CPED1: variants seen among roughly 807,000 people sequenced by gnomAD.
CPED1 encodes cadherin like and PC-esterase domain containing 1.
CPED1 carries 114 observed loss-of-function variants against 128.2 expected under a neutral mutation model. That is an observed-to-expected ratio of 0.89 (90% CI 0.76 to 1.04). The LOEUF is 1.04. Among genes scored for constraint, CPED1 ranks in the 50% least tolerant of loss-of-function variants. The probability of loss-of-function intolerance (pLI) is 0.00; values close to 1 mark genes in which losing one functional copy is unlikely to be tolerated. For synonymous variants in CPED1, 462 were observed against 426.7 expected (o/e 1.08, Z -1.02); for missense variants, 1,211 against 1,207.1 (o/e 1.00, Z -0.05).
intron 3 of CPED1, among the ~76,000 whole-genome samples, chr7:121,017,222 A>G (rs1430240788): frequency 6.6e-6 from 1 of 152,176 alleles, no homozygotes; most frequent in Non-Finnish European, 1.5e-5. Context: ...ACTGCCTTCT[A>G]GGAGTAGTGT....
chr7:121,075,119 C>A (rs1389086606), intron 5 of CPED1, among the ~76,000 whole-genome samples: 1 of 152,080 alleles, frequency 6.6e-6, no homozygotes. Context: ...TTGTATGAGT[C>A]CTACGGTGTT....
chr7:120,989,256 C>T (rs1585001770), intron 1 of CPED1, 135 bp from the exon 2 acceptor site: 2 of 214,608 alleles, frequency 9.3e-6, no homozygotes, highest in East Asian at 2.6e-4. Flanking sequence ...AAAGCTGAGG[C>T]AGAGTCGGAC....
intron 3 of CPED1, among the ~76,000 whole-genome samples, chr7:121,020,954 C>T (rs1792424619): frequency 6.6e-6 from 1 of 151,884 alleles, no homozygotes; most frequent in African/African-American, 2.4e-5. Context: ...TATCTTGGTT[C>T]ATATAGCAAC....
At chr7:121,168,844 TC>T in intron 16 of CPED1, among the ~76,000 whole-genome samples, 1 of 152,312 alleles carries the variant, frequency 6.6e-6, no homozygotes, top group African/African-American at 2.4e-5. Flanking sequence ...ATGTTTGTCT[TC>T]CTGTAAAATT....
intron 7 of CPED1, among the ~76,000 whole-genome samples, chr7:121,117,444 T>C (rs1795280702): frequency 6.6e-6 from 1 of 152,148 alleles, no homozygotes; most frequent in South Asian, 2.1e-4. Flanking sequence ...TAAAAAATTA[T>C]ATCACTACTT....
chr7:121,047,256 G>C (rs1253955288), intron 4 of CPED1, among the ~76,000 whole-genome samples: 1 of 152,178 alleles, frequency 6.6e-6, no homozygotes, highest in African/African-American at 2.4e-5. Context: ...TGCAGCCTAT[G>C]AAGTGTTGCT....
intron 18 of CPED1, among the ~76,000 whole-genome samples, chr7:121,255,664 A>G (rs1330957553): frequency 2.0e-5 from 3 of 152,062 alleles, no homozygotes. Context: ...AGAAAACCCT[A>G]GAGAATGCCA....
At chr7:121,135,290 ATT>A (rs1024670446) in intron 13 of CPED1, among the ~76,000 whole-genome samples, 1 of 151,352 alleles carries the variant, frequency 6.6e-6, no homozygotes, top group Non-Finnish European at 1.5e-5. Flanking sequence ...TGTCAATAAT[ATT>A]TTTTTTTAGT....
intron 17 of CPED1, 102 bp downstream of exon 17, chr7:121,236,933 T>G (rs1798273177): frequency 1.9e-6 from 1 of 531,282 alleles, no homozygotes; most frequent in East Asian, 3.1e-5. Context: ...ACAAGGGCAT[T>G]ACTTTTTATT....
chr7:121,117,100 A>AT (rs1450957943), intron 7 of CPED1, among the ~76,000 whole-genome samples: 3 of 70,650 alleles, frequency 4.2e-5, no homozygotes, highest in East Asian at 8.8e-4. Flanking sequence ...TATATATATA[A>AT]ATATATATAT....
chr7:121,018,350 T>A (rs1458339201), intron 3 of CPED1, among the ~76,000 whole-genome samples: 5 of 152,174 alleles, frequency 3.3e-5, no homozygotes, highest in Non-Finnish European at 7.4e-5. Context: ...ATTCATCTCA[T>A]GGTTATTTTT....
At position 121,124,347 on chromosome 7, in the gene CPED1, A is replaced by G; in HGVS notation, c.935A>G (p.Glu312Gly). 1 of 1,605,798 alleles carries G rather than the reference A, an allele frequency of 6.2e-7. No homozygotes were observed. Among genetic ancestry groups the G allele is most frequent in the Non-Finnish European group, 8.5e-7 (1 of 1,176,660 alleles). The change falls in exon 8 of 23, where the codon GAG (glutamate) becomes GGG (glycine). Residue 312 changes from glutamate to glycine, a missense_variant. Glu to Gly is a moderately conservative substitution (Grantham distance 98). Coordinates refer to ENST00000310396, the MANE Select transcript of CPED1 (RefSeq NM_024913.5). ...RFTVKLQTFF[E>G]TFLRASSPQQ... ...TGTTCACAGCTGCAAACATTTTTTG[A>G]GACATTCCTGAGAGCCAGTTCACCT...
At chr7:121,271,571 C>T in intron 22 of CPED1, 141 bp downstream of exon 22, 1 of 827,320 alleles carries the variant, frequency 1.2e-6, no homozygotes, top group Non-Finnish European at 1.9e-6. Flanking sequence ...TGTTCATCAT[C>T]ATTCAGCCAA....
chr7:121,253,905 C>T (rs1266372892), intron 18 of CPED1, among the ~76,000 whole-genome samples: 4 of 151,966 alleles, frequency 2.6e-5, no homozygotes, highest in Non-Finnish European at 5.9e-5. Context: ...TATTGAAGCA[C>T]CTAGATTCAT....
chr7:121,103,369 C>T (rs1794898514), intron 7 of CPED1, among the ~76,000 whole-genome samples: 1 of 152,120 alleles, frequency 6.6e-6, no homozygotes, highest in Non-Finnish European at 1.5e-5. Flanking sequence ...GTGATTGTTT[C>T]CTTACTAGTT....
chr7:121,228,398 A>G, intron 16 of CPED1, among the ~76,000 whole-genome samples: 1 of 151,962 alleles, frequency 6.6e-6, no homozygotes, highest in East Asian at 1.9e-4. Context: ...GCTCGATATC[A>G]CTAATCATCA....
At chr7:121,208,086 T>C (rs1374382854) in intron 16 of CPED1, among the ~76,000 whole-genome samples, 2 of 152,002 alleles carry the variant, frequency 1.3e-5, no homozygotes, top group Non-Finnish European at 2.9e-5. Context: ...AGTATGCAAA[T>C]CTAATTATGT....
chr7:121,273,908 G>A (rs987861274), intron 22 of CPED1, among the ~76,000 whole-genome samples: 1 of 152,162 alleles, frequency 6.6e-6, no homozygotes, highest in African/African-American at 2.4e-5. Flanking sequence ...AGCTGAGCCA[G>A]CCCAGGATCA....
At chr7:121,271,217 C>A in intron 21 of CPED1, 67 bp from the exon 22 acceptor site, 1 of 1,307,972 alleles carries the variant, frequency 7.6e-7, no homozygotes, top group South Asian at 1.4e-5. Context: ...TAATTTCCAC[C>A]TAACTTATTG....
Sources: gnomAD v4.1 joint callset for allele counts (sites outside exome capture counted in the v4.1 genomes callset) on GRCh38, gnomAD v4.1.1 for gene constraint, MANE v1.5 for transcripts, NCBI Gene and HGNC (gene_info 2026-07-23, HGNC 2026-07-21) for gene names.